The following NSMCE2 variants were observed in gnomAD, a reference collection of about 807,000 sequenced individuals.
The protein encoded by NSMCE2 is NSE2 SUMO ligase component of SMC5/6 complex.
A neutral mutation model predicts 23.8 loss-of-function variants in NSMCE2; 24 were observed. The observed-to-expected ratio is 1.01, with a 90% CI of 0.73 to 1.42. The LOEUF is 1.42. Among genes scored for constraint, NSMCE2 ranks in the 40% most tolerant of loss-of-function variants. NSMCE2 has a pLI of 0.00. For missense variants in NSMCE2, 284 were observed against 296.5 expected, an observed-to-expected ratio of 0.96 and a Z score of 0.31; for synonymous variants, 92 against 94.1, an observed-to-expected ratio of 0.98 and a Z score of 0.13.
At chr8:125,157,057 A>G (rs997222482) in intron 4 of NSMCE2, among the ~76,000 whole-genome samples, 3 of 152,222 alleles carry the variant, frequency 2.0e-5, no homozygotes, top group Non-Finnish European at 4.4e-5. Flanking sequence ...CCTATTATAT[A>G]TGACCACTTA....
chr8:125,257,690 T>C (rs1826502737), intron 5 of NSMCE2, among the ~76,000 whole-genome samples: 1 of 152,012 alleles, frequency 6.6e-6, no homozygotes, highest in South Asian at 2.1e-4. Context: ...CTCACCACCA[T>C]GCCTGTCGAA....
chr8:125,118,219 G>T (rs150437233), intron 3 of NSMCE2, among the ~76,000 whole-genome samples: 3 of 152,044 alleles, frequency 2.0e-5, no homozygotes, highest in Admixed American at 6.5e-5. Context: ...GGTGGCACAC[G>T]CCTCTAGTCC....
chr8:125,266,894 C>G (rs1045219023), intron 5 of NSMCE2, among the ~76,000 whole-genome samples: 4 of 151,988 alleles, frequency 2.6e-5, no homozygotes, highest in Non-Finnish European at 5.9e-5. Context: ...TCACTATGTC[C>G]TTGGGAATAT....
intron 5 of NSMCE2, among the ~76,000 whole-genome samples, chr8:125,317,622 T>G (rs1829263745): frequency 6.6e-6 from 1 of 152,240 alleles, no homozygotes. Flanking sequence ...GTTGCCTATC[T>G]GAAGTCTAGG....
chr8:125,240,105 G>T (rs1825709683), intron 5 of NSMCE2, among the ~76,000 whole-genome samples: 1 of 151,390 alleles, frequency 6.6e-6, no homozygotes, highest in Non-Finnish European at 1.5e-5. Flanking sequence ...ATTAGGGCAA[G>T]CTGAAGTGTG....
intron 5 of NSMCE2, among the ~76,000 whole-genome samples, chr8:125,235,981 C>T (rs553291880): frequency 6.6e-5 from 10 of 152,154 alleles, no homozygotes; most frequent in African/African-American, 1.9e-4. Context: ...ATTTCTATTC[C>T]TGGAAATATG....
intron 5 of NSMCE2, among the ~76,000 whole-genome samples, chr8:125,334,514 A>G (rs960539807): frequency 2.0e-5 from 3 of 152,164 alleles, no homozygotes; most frequent in African/African-American, 7.2e-5. Flanking sequence ...CTCAGGTCAC[A>G]TGGCACGTTG....
chr8:125,242,553 CTG>C (rs1296552731), intron 5 of NSMCE2, among the ~76,000 whole-genome samples: 1 of 152,034 alleles, frequency 6.6e-6, no homozygotes, highest in Non-Finnish European at 1.5e-5. Flanking sequence ...CCAGCAAGAA[CTG>C]TTAGCTTATG....
intron 7 of NSMCE2, among the ~76,000 whole-genome samples, chr8:125,358,669 GA>G (rs1287405975): frequency 6.6e-6 from 1 of 152,066 alleles, no homozygotes; most frequent in Non-Finnish European, 1.5e-5. Flanking sequence ...TGCAGGAATG[GA>G]ATTGCAGGTG....
chr8:125,321,155 G>A (rs1439463052), intron 5 of NSMCE2, among the ~76,000 whole-genome samples: 1 of 151,858 alleles, frequency 6.6e-6, no homozygotes, highest in Non-Finnish European at 1.5e-5. Context: ...TTTGGGCAAG[G>A]ACATAGATCC....
chr8:125,247,688 G>A (rs28654074), intron 5 of NSMCE2, among the ~76,000 whole-genome samples: 1,930 of 148,698 alleles, frequency 0.013, 19 homozygotes, highest in Middle Eastern at 0.046. Flanking sequence ...TTGCATCATT[G>A]TACTCCCACT....
chr8:125,330,232 G>A (rs10216768), intron 5 of NSMCE2, among the ~76,000 whole-genome samples: 64,141 of 146,024 alleles, frequency 0.44, 16,289 homozygotes, highest in East Asian at 0.55. Flanking sequence ...GCTGGAGTGC[G>A]ATGGGACGAT....
At chr8:125,130,259 T>C (rs1285207089) in intron 3 of NSMCE2, 11 of 455,936 alleles carry the variant, frequency 2.4e-5, no homozygotes, top group Non-Finnish European at 4.4e-5. Flanking sequence ...TCTCATCACG[T>C]CATATCAAAG....
chr8:125,180,988 T>C (rs1458674948), intron 4 of NSMCE2, among the ~76,000 whole-genome samples: 1 of 151,448 alleles, frequency 6.6e-6, no homozygotes, highest in Non-Finnish European at 1.5e-5. Context: ...ATTCCTGGAG[T>C]GGTGGTAGAA....
intron 5 of NSMCE2, among the ~76,000 whole-genome samples, chr8:125,265,552 C>T (rs918965315): frequency 1.2e-4 from 18 of 152,094 alleles, no homozygotes; most frequent in African/African-American, 3.6e-4. Context: ...TAAATTATTG[C>T]GTTAAAATGC....
intron 3 of NSMCE2, among the ~76,000 whole-genome samples, chr8:125,107,069 T>C (rs1183199398): frequency 2.0e-5 from 3 of 152,162 alleles, no homozygotes; most frequent in African/African-American, 7.2e-5. Context: ...TCTTTGAAAT[T>C]ACAGTTGCAC....
chr8:125,257,522 CTTTTTTT>C lies in NSMCE2; in HGVS notation c.418+75287_418+75293del, dbSNP rs1174718163. On this transcript the variant is annotated intron_variant, in intron 5 of 7. Coordinates refer to ENST00000287437, the MANE Select transcript of NSMCE2 (RefSeq NM_173685.4). Reference sequence around the variant, plus strand: ...CCAAGCTGGACAAAACCAAATTTCTCTTTTTTTTTTTTTTTTTTTTTTTTTTTCTGAG... The same window carrying C: ...CCAAGCTGGACAAAACCAAATTTCTCTTTTTTTTTTTTTTTTTTTTCTGAG... 1.2e-3 allele frequency among the ~76,000 whole-genome samples: 105 copies of C among 84,634 alleles called. 1 individual carries two copies. The highest frequency in any genetic ancestry group is 8.8e-3 in the Middle Eastern group (1 of 114). The allele number at this position is 84,634 out of a possible 152,430, so 55.5% of individuals were successfully genotyped here.
chr8:125,283,908 T>C lies in NSMCE2; in HGVS notation c.419-73311T>C, dbSNP rs562373975. Among the ~76,000 whole-genome samples, 8 of 152,086 alleles carry C rather than the reference T, an allele frequency of 5.3e-5. No individual in the cohort carries two copies. The East Asian group carries it at 1.2e-3, about 22-fold the overall frequency. ...GTGGCTCACGCCTGTAATCCCAGCA[T>C]TTTGGGAGGCCAAGGTGGGCAGATC... On this transcript the variant is annotated intron_variant, in intron 5 of 7. Transcript: ENST00000287437.
intron 5 of NSMCE2, among the ~76,000 whole-genome samples, chr8:125,214,265 A>G (rs1279028247): frequency 6.6e-6 from 1 of 152,206 alleles, no homozygotes; most frequent in Non-Finnish European, 1.5e-5. Flanking sequence ...AAGGCAGAAT[A>G]TACACAAACA....
Sources: gnomAD v4.1 joint callset for allele counts (sites outside exome capture counted in the v4.1 genomes callset) on GRCh38, gnomAD v4.1.1 for gene constraint, MANE v1.5 for transcripts, NCBI Gene and HGNC (gene_info 2026-07-23, HGNC 2026-07-21) for gene names.